ITFG1: variants seen among roughly 807,000 people sequenced by gnomAD.
The protein encoded by ITFG1 is T-cell immunomodulatory protein.
Under a neutral mutation model 81.8 loss-of-function variants are expected in ITFG1, and 34 were observed. The observed-to-expected ratio is 0.42, with a 90% CI of 0.32 to 0.55. The LOEUF (loss-of-function observed/expected upper bound fraction) is 0.55. Among genes scored for constraint, ITFG1 ranks in the 20% least tolerant of loss-of-function variants. The pLI, the probability that ITFG1 is intolerant of heterozygous loss-of-function variation, is 0.17. For synonymous variants in ITFG1, 285 were observed against 270.6 expected (o/e 1.05, Z -0.52); for missense variants, 672 against 755.4 (o/e 0.89, Z 1.29).
intron 5 of ITFG1, among the ~76,000 whole-genome samples, chr16:47,443,393 A>C (rs1193681864): frequency 6.6e-6 from 1 of 152,212 alleles, no homozygotes; most frequent in South Asian, 2.1e-4. Flanking sequence ...ACGTCCCATT[A>C]CTGGGTATAT....
At chr16:47,239,663 T>A (rs1965912261) in intron 12 of ITFG1, among the ~76,000 whole-genome samples, 1 of 152,192 alleles carries the variant, frequency 6.6e-6, no homozygotes, top group Non-Finnish European at 1.5e-5. Context: ...AACAGTGAAA[T>A]AAATATTTTA....
At chr16:47,225,750 A>G (rs1179516313) in intron 13 of ITFG1, among the ~76,000 whole-genome samples, 1 of 152,232 alleles carries the variant, frequency 6.6e-6, no homozygotes, top group Non-Finnish European at 1.5e-5. Context: ...ATAAAACCAG[A>G]AAGAACTTGT....
intron 10 of ITFG1, among the ~76,000 whole-genome samples, chr16:47,308,414 TA>T (rs1280090136): frequency 6.6e-6 from 1 of 152,222 alleles, no homozygotes; most frequent in Non-Finnish European, 1.5e-5. Flanking sequence ...ATCTGCAACA[TA>T]ATGTAACCTT....
At chr16:47,303,676 T>C (rs532751908) in intron 10 of ITFG1, among the ~76,000 whole-genome samples, 22 of 152,348 alleles carry the variant, frequency 1.4e-4, no homozygotes, top group African/African-American at 5.1e-4. Context: ...CAGGCTGGAA[T>C]GCAGTGGTGT....
chr16:47,433,879 T>G (rs1369558442), intron 5 of ITFG1, among the ~76,000 whole-genome samples: 1 of 118,482 alleles, frequency 8.4e-6, no homozygotes, highest in African/African-American at 3.6e-5. Flanking sequence ...TATATATATA[T>G]ATATATATAT....
chr16:47,178,121 A>G (rs923197588), intron 14 of ITFG1, among the ~76,000 whole-genome samples: 2 of 152,236 alleles, frequency 1.3e-5, no homozygotes, highest in Admixed American at 6.5e-5. Context: ...TAAATCATAC[A>G]GCTTATCCTC....
At chr16:47,249,779 A>G (rs1375382723) in intron 12 of ITFG1, among the ~76,000 whole-genome samples, 1 of 152,222 alleles carries the variant, frequency 6.6e-6, no homozygotes, top group Non-Finnish European at 1.5e-5. Flanking sequence ...AAAGATATTT[A>G]AAGTATAAAA....
At chr16:47,460,145 T>TG in intron 1 of ITFG1, among the ~76,000 whole-genome samples, 1 of 152,236 alleles carries the variant, frequency 6.6e-6, no homozygotes, top group East Asian at 1.9e-4. Flanking sequence ...ACTAAGGTGA[T>TG]GACCAAGATG....
At position 47,229,011 on chromosome 16, in the gene ITFG1, A is replaced by G. The variant is rs1965786926; in HGVS notation, c.1374+8954T>C. Among the ~76,000 whole-genome samples the G allele has an allele frequency of 2.6e-5, 4 of 152,208 alleles. No homozygotes were observed. The South Asian group carries it at 6.2e-4, about 24-fold the overall frequency. The stretch of plus-strand genomic sequence containing the variant: ...GTAAACTTATCAATGACGGCCCATT[A>G]AAAAGCAAACCAAATTCTAGAGAAA... On this transcript the variant is annotated intron_variant, in intron 13 of 17. Coordinates refer to ENST00000320640, the MANE Select transcript of ITFG1 (RefSeq NM_030790.5).
rs186745033 is a variant in ITFG1 at position 47,325,473 on chromosome 16, C to A, written c.803-11650G>T. ...GCAGAAGGCAAGAAATAACTAAGAT[C>A]AGAGTAGAACTGAAGGAAATAGAGA... On this transcript the variant is annotated intron_variant, in intron 8 of 17. Coordinates refer to ENST00000320640, the MANE Select transcript of ITFG1 (RefSeq NM_030790.5). Among the ~76,000 whole-genome samples, 92 of 152,184 alleles carry A rather than the reference C, an allele frequency of 6.0e-4. 1 individual carries two copies. In the East Asian group the frequency reaches 0.011, roughly 18 times the overall value.
At chr16:47,199,588 C>T (rs1052250893) in intron 14 of ITFG1, among the ~76,000 whole-genome samples, 8 of 152,110 alleles carry the variant, frequency 5.3e-5, no homozygotes, top group African/African-American at 7.2e-5. Flanking sequence ...GTAGCCTAGG[C>T]GTAATAATAG....
At chr16:47,433,728 GTTGT>G (rs1969122037) in intron 5 of ITFG1, among the ~76,000 whole-genome samples, 1 of 148,308 alleles carries the variant, frequency 6.7e-6, no homozygotes, top group Non-Finnish European at 1.5e-5. Context: ...TGAAAGAACA[GTTGT>G]TTCTTTTTGT....
chr16:47,442,605 C>A (rs1969267800), intron 5 of ITFG1, among the ~76,000 whole-genome samples: 1 of 152,104 alleles, frequency 6.6e-6, no homozygotes, highest in African/African-American at 2.4e-5. Context: ...CGCATATCTA[C>A]AACTATCTGA....
chr16:47,453,683 A>G (rs1969416518), intron 3 of ITFG1, among the ~76,000 whole-genome samples: 1 of 152,204 alleles, frequency 6.6e-6, no homozygotes, highest in Admixed American at 6.5e-5. Flanking sequence ...TAGGGGAAAG[A>G]GGCAGTAGCT....
At chr16:47,438,530 T>C (rs1169062336) in intron 5 of ITFG1, among the ~76,000 whole-genome samples, 1 of 152,158 alleles carries the variant, frequency 6.6e-6, no homozygotes, top group African/African-American at 2.4e-5. Flanking sequence ...GGCTCACCAA[T>C]ATTCGCTGTT....
At chr16:47,450,559 A>C (rs1969376064) in intron 5 of ITFG1, 2 of 236,660 alleles carry the variant, frequency 8.5e-6, no homozygotes, top group Non-Finnish European at 1.7e-5. Context: ...CATTTCAAAA[A>C]TGAATCATAA....
intron 14 of ITFG1, among the ~76,000 whole-genome samples, chr16:47,189,660 G>C (rs573468563): frequency 6.6e-6 from 1 of 152,288 alleles, no homozygotes; most frequent in Non-Finnish European, 1.5e-5. Context: ...TGCTGCTATG[G>C]ACATTCATGT....
chr16:47,314,662 G>T (rs1487612251), intron 8 of ITFG1, among the ~76,000 whole-genome samples: 3 of 152,112 alleles, frequency 2.0e-5, no homozygotes, highest in Admixed American at 1.3e-4. Context: ...ACCTGATGGG[G>T]TTTACAGATT....
In ITFG1 at chr16:47,454,215, C is replaced by T. The variant is rs566209209; in HGVS notation, c.282-57G>A. On this transcript the variant is annotated intron_variant, in intron 2 of 17. Coordinates refer to ENST00000320640, the MANE Select transcript of ITFG1 (RefSeq NM_030790.5). ...CAAGTTGTAATGGAAAAGGACAATT[C>T]TGTATTTCTACCACACAAAAATATT... is the stretch of plus-strand genomic sequence containing the variant. 3.0e-6 allele frequency: 4 copies of T among 1,351,662 alleles called. No homozygotes were observed. In the African/African-American group the frequency reaches 5.9e-5, roughly 20 times the overall value. 83.7% of individuals were successfully genotyped at this position (1,351,662 alleles called of 1,614,324 possible). A position where few individuals can be genotyped will look rare whatever the true frequency, so the allele number is the denominator to read the frequency against.
Sources: gnomAD v4.1 joint callset for allele counts (sites outside exome capture counted in the v4.1 genomes callset) on GRCh38, gnomAD v4.1.1 for gene constraint, MANE v1.5 for transcripts, NCBI Gene and HGNC (gene_info 2026-07-23, HGNC 2026-07-21) for gene names.